The following RASGEF1A variants were observed in gnomAD, a reference collection of about 807,000 sequenced individuals.
RASGEF1A encodes the protein ras-GEF domain-containing family member 1A.
In RASGEF1A, 18 loss-of-function variants were observed where a neutral mutation model predicts 56.4. The ratio of observed to expected loss-of-function variants is 0.32; its 90% CI spans 0.22 to 0.47. RASGEF1A has a LOEUF of 0.47. RASGEF1A is among the 20% of genes least tolerant of loss of function. The pLI is 1.00. For missense variants in RASGEF1A, 422 were observed against 627.1 expected, an observed-to-expected ratio of 0.67 and a Z score of 3.49; for synonymous variants, 245 against 242.6, an observed-to-expected ratio of 1.01 and a Z score of -0.09.
At chr10:43,204,374 G>A (rs1000712529) in intron 2 of RASGEF1A, among the ~76,000 whole-genome samples, 19 of 152,126 alleles carry the variant, frequency 1.2e-4, no homozygotes, top group Non-Finnish European at 2.1e-4. Context: ...ACTGCCCACC[G>A]CAGCCCTCCC....
At chr10:43,203,085 C>G (rs1839932762) in intron 3 of RASGEF1A, among the ~76,000 whole-genome samples, 1 of 149,918 alleles carries the variant, frequency 6.7e-6, no homozygotes, top group Non-Finnish European at 1.5e-5. Context: ...GACCCTGCCC[C>G]AGCCAGGCCA....
At chr10:43,211,321 T>C (rs376038607) in intron 1 of RASGEF1A, among the ~76,000 whole-genome samples, 33 of 152,216 alleles carry the variant, frequency 2.2e-4, no homozygotes, top group Non-Finnish European at 4.1e-4. Flanking sequence ...AAGGGGGTCC[T>C]CCCTGTATCT....
intron 1 of RASGEF1A, among the ~76,000 whole-genome samples, chr10:43,248,447 A>T (rs73257980): frequency 0.033 from 4,996 of 151,916 alleles, 243 homozygotes; most frequent in African/African-American, 0.11. Flanking sequence ...CCACTAAATC[A>T]TGCACTTTAA....
rs7075530 is a variant in RASGEF1A, at chr10:43,263,059, G to A, written c.-7+3786C>T. 8.0e-3 allele frequency among the ~76,000 whole-genome samples: 1,223 copies of A among 152,266 alleles called. 16 individuals are homozygous for A. The highest frequency in any genetic ancestry group is 0.028 in the African/African-American group (1,151 of 41,554). On this transcript the variant is annotated intron_variant, in intron 1 of 12. Transcript: ENST00000395810. ...TGATGTGCATCGTCACCCGGGAGGC[G>A]TCCAGCAGGCTCACACACTGACAGA... is the stretch of plus-strand genomic sequence containing the variant.
intron 1 of RASGEF1A, among the ~76,000 whole-genome samples, chr10:43,241,282 C>T (rs1840495118): frequency 6.6e-6 from 1 of 152,024 alleles, no homozygotes; most frequent in Admixed American, 6.6e-5. Context: ...ACCATACTAC[C>T]CTGAATGTGC....
chr10:43,255,167 C>T (rs1317101889), intron 1 of RASGEF1A, among the ~76,000 whole-genome samples: 1 of 152,170 alleles, frequency 6.6e-6, no homozygotes, highest in Non-Finnish European at 1.5e-5. Context: ...GAATGCCCAG[C>T]AGGAAGGACA....
intron 1 of RASGEF1A, among the ~76,000 whole-genome samples, chr10:43,237,954 G>A (rs1840452598): frequency 6.6e-6 from 1 of 152,210 alleles, no homozygotes; most frequent in African/African-American, 2.4e-5. Context: ...ACCTGTGGGC[G>A]GGGATCTGGG....
chr10:43,244,152 C>A (rs1257879183), intron 1 of RASGEF1A, among the ~76,000 whole-genome samples: 2 of 152,324 alleles, frequency 1.3e-5, no homozygotes, highest in Admixed American at 1.3e-4. Context: ...AAGGGTGGTG[C>A]AAGATGTGCT....
intron 1 of RASGEF1A, among the ~76,000 whole-genome samples, chr10:43,259,200 C>T (rs992767247): frequency 1.3e-5 from 2 of 152,236 alleles, no homozygotes; most frequent in African/African-American, 4.8e-5. Context: ...TGCAGTGTGG[C>T]AGTGCTGTGG....
chr10:43,196,575 C>T lies in RASGEF1A; in HGVS notation c.1349-27G>A, dbSNP rs763319478. ...TGAGAGATGGGAAAGTCCCTCAGAG[C>T]CTGTGTCCCCATGCAGTGTCTGCCT... On this transcript the variant is annotated intron_variant, in intron 11 of 12. Coordinates refer to ENST00000395810, the MANE Select transcript of RASGEF1A (RefSeq NM_145313.4). This position sits in a 1 kb window ranked among gnomAD's most constrained non-coding sequence, Gnocchi z 4.6. 7 of 1,603,602 alleles carry T rather than the reference C, an allele frequency of 4.4e-6. No homozygotes were observed. In the Admixed American group the frequency reaches 1.2e-4, roughly 27 times the overall value.
At chr10:43,249,751 C>T (rs1189159214) in intron 1 of RASGEF1A, among the ~76,000 whole-genome samples, 1 of 152,188 alleles carries the variant, frequency 6.6e-6, no homozygotes, top group African/African-American at 2.4e-5. Flanking sequence ...CTGGGAAGGC[C>T]TGTGGTCAGG....
intron 1 of RASGEF1A, among the ~76,000 whole-genome samples, chr10:43,217,484 G>C (rs1732671901): frequency 6.6e-6 from 1 of 152,244 alleles, no homozygotes; most frequent in Non-Finnish European, 1.5e-5. Context: ...GAAGAAGGCT[G>C]GGTGACCAGC....
At chr10:43,254,826 GGGAACA>G (rs1358374126) in intron 1 of RASGEF1A, among the ~76,000 whole-genome samples, 2 of 152,166 alleles carry the variant, frequency 1.3e-5, no homozygotes, top group Non-Finnish European at 2.9e-5. Flanking sequence ...ACTAAAGGGA[GGGAACA>G]AAGGAGACAG....
intron 1 of RASGEF1A, among the ~76,000 whole-genome samples, chr10:43,234,047 A>G (rs1453460722): frequency 2.0e-5 from 3 of 151,984 alleles, no homozygotes; most frequent in African/African-American, 7.2e-5. Context: ...GGGCACCCTC[A>G]CCCCCAGAGG....
intron 1 of RASGEF1A, among the ~76,000 whole-genome samples, chr10:43,249,792 C>CT (rs1305305606): frequency 2.6e-5 from 4 of 152,206 alleles, no homozygotes; most frequent in Admixed American, 2.6e-4. Context: ...TCCCCCAATC[C>CT]TCAGAGTCCA....
In RASGEF1A at chr10:43,245,009, T is replaced by C. The variant is rs144057516; in HGVS notation, c.-7+21836A>G. On this transcript the variant is annotated intron_variant, in intron 1 of 12. Transcript: ENST00000395810. ...AGTAAAAAAAAATTGAGAAAGTTAA[T>C]GAAAAACCAAAAATGGGTTCTTTGA... Among the ~76,000 whole-genome samples, 157 of 151,736 alleles carry C rather than the reference T, an allele frequency of 1.0e-3. 1 individual carries two copies. In the East Asian group the frequency reaches 0.016, roughly 15 times the overall value.
At chr10:43,256,098 G>GC (rs1840686032) in intron 1 of RASGEF1A, among the ~76,000 whole-genome samples, 1 of 152,184 alleles carries the variant, frequency 6.6e-6, no homozygotes, top group African/African-American at 2.4e-5. Context: ...GCAGGAGGAG[G>GC]CCCCCAGGGG....
At chr10:43,228,531 C>G (rs945095151) in intron 1 of RASGEF1A, among the ~76,000 whole-genome samples, 1 of 152,324 alleles carries the variant, frequency 6.6e-6, no homozygotes, top group East Asian at 1.9e-4. Flanking sequence ...GTGACCCCGT[C>G]AGCCTGGGTC....
intron 1 of RASGEF1A, among the ~76,000 whole-genome samples, chr10:43,239,221 A>C (rs1054781702): frequency 3.9e-5 from 6 of 152,120 alleles, no homozygotes. Flanking sequence ...AACGAAAAAC[A>C]CTCCTGCAAT....
Sources: allele counts gnomAD v4.1 joint callset (sites outside exome capture counted in the v4.1 genomes callset), GRCh38; gene constraint gnomAD v4.1.1; non-coding constraint Gnocchi (gnomAD v3.1); transcripts MANE v1.5; gene names NCBI Gene and HGNC (gene_info 2026-07-23, HGNC 2026-07-21).